ARHGAP24: variants seen among roughly 807,000 people sequenced by gnomAD.
ARHGAP24 encodes the protein Rho GTPase activating protein 24, also known as rho GTPase-activating protein 24.
A neutral mutation model predicts 76.4 loss-of-function variants in ARHGAP24; 50 were observed. The observed-to-expected ratio is 0.65, with a 90% confidence interval of 0.52 to 0.83. The LOEUF is 0.83. Ranked by LOEUF, ARHGAP24 falls within the 40% of genes least tolerant of loss-of-function variation. The pLI is 0.00. For missense variants in ARHGAP24, 930 were observed against 914.2 expected (o/e 1.02, Z -0.22); for synonymous variants, 345 against 323.3 (o/e 1.07, Z -0.72).
At chr4:85,750,631 G>T (rs1378095529) in intron 3 of ARHGAP24, among the ~76,000 whole-genome samples, 2 of 151,540 alleles carry the variant, frequency 1.3e-5, no homozygotes, top group Non-Finnish European at 2.9e-5. Flanking sequence ...GAGTAGCTGG[G>T]ATTACAGGTA....
At chr4:85,780,158 C>A (rs141961968) in intron 3 of ARHGAP24, among the ~76,000 whole-genome samples, 6 of 40,716 alleles carry the variant, frequency 1.5e-4, no homozygotes, top group Non-Finnish European at 2.7e-4. Context: ...CACATAATCA[C>A]TGTTTATTTT....
At chr4:85,947,243 G>A (rs115618154) in intron 5 of ARHGAP24, among the ~76,000 whole-genome samples, 6,742 of 152,192 alleles carry the variant, frequency 0.044, 523 homozygotes, top group African/African-American at 0.15. Flanking sequence ...ACCTTTGTCA[G>A]ATGCACAGTT....
intron 3 of ARHGAP24, among the ~76,000 whole-genome samples, chr4:85,733,340 G>A (rs1042509214): frequency 6.6e-6 from 1 of 151,914 alleles, no homozygotes; most frequent in African/African-American, 2.4e-5. Context: ...TGGGATTACA[G>A]GCGTGAGCCA....
rs572982199 is a variant in ARHGAP24, at chr4:85,896,434, A to G, written c.269-27214A>G. 4.6e-5 allele frequency among the ~76,000 whole-genome samples: 7 copies of G among 152,288 alleles called. No homozygotes were observed. The East Asian group carries it at 1.4e-3, about 29-fold the overall frequency. On this transcript the variant is annotated intron_variant, in intron 3 of 9. Transcript: ENST00000395184. ...TGTTTTAAACCTTTTCTGCAATCCC[A>G]TGCTGGGAATCCTAGCCTCCTTAAG...
At chr4:85,706,887 A>G (rs1390766948) in intron 2 of ARHGAP24, among the ~76,000 whole-genome samples, 1 of 151,940 alleles carries the variant, frequency 6.6e-6, no homozygotes, top group Non-Finnish European at 1.5e-5. Context: ...TTTGAGATAT[A>G]TTAAATGAAC....
chr4:85,863,141 C>A (rs755763763), intron 3 of ARHGAP24, among the ~76,000 whole-genome samples: 2 of 152,108 alleles, frequency 1.3e-5, no homozygotes, highest in Non-Finnish European at 2.9e-5. Context: ...CATTGGCCTT[C>A]TGGTGATTCC....
At chr4:85,542,764 A>G (rs1227733133) in intron 1 of ARHGAP24, among the ~76,000 whole-genome samples, 3 of 152,224 alleles carry the variant, frequency 2.0e-5, no homozygotes, top group Non-Finnish European at 2.9e-5. Flanking sequence ...TGAGAGACAT[A>G]TTGATAGTGG....
At chr4:85,647,567 A>T (rs1217726471) in intron 2 of ARHGAP24, among the ~76,000 whole-genome samples, 1 of 152,150 alleles carries the variant, frequency 6.6e-6, no homozygotes, top group Non-Finnish European at 1.5e-5. Context: ...TTATTTTCAC[A>T]TATAAAATCA....
Position 85,816,587 on chromosome 4 carries a change from T to A in ARHGAP24, c.268+94615T>A, listed in dbSNP as rs150835496. Among the ~76,000 whole-genome samples the A allele has an allele frequency of 9.5e-3, 1,445 of 152,326 alleles. 27 individuals are homozygous for A. The highest frequency in any genetic ancestry group is 0.033 in the African/African-American group (1,353 of 41,566). ...TAGTTTCTATTCCTTTTGGATCTTT[T>A]TCTTTCAAAATTAAAGCAAATAACT... On this transcript the variant is annotated intron_variant, in intron 3 of 9. Transcript: ENST00000395184.
intron 2 of ARHGAP24, among the ~76,000 whole-genome samples, chr4:85,647,045 A>G (rs749900660): frequency 4.6e-5 from 7 of 152,120 alleles, no homozygotes; most frequent in Non-Finnish European, 1.0e-4. Context: ...TCTAGTTGGA[A>G]TTGAGGAATT....
At chr4:85,581,641 C>T (rs917215601) in intron 2 of ARHGAP24, among the ~76,000 whole-genome samples, 8 of 152,104 alleles carry the variant, frequency 5.3e-5, no homozygotes, top group African/African-American at 1.9e-4. Context: ...TCATAATCTT[C>T]TCCAGGGAAG....
intron 9 of ARHGAP24, among the ~76,000 whole-genome samples, chr4:85,999,237 A>T (rs1333226713): frequency 1.3e-5 from 2 of 152,324 alleles, no homozygotes; most frequent in East Asian, 1.9e-4. Flanking sequence ...AAACAAAGAG[A>T]ATATATTGTA....
chr4:85,916,509 AAAAT>A (rs1050148840), intron 3 of ARHGAP24, among the ~76,000 whole-genome samples: 1 of 152,154 alleles, frequency 6.6e-6, no homozygotes, highest in Non-Finnish European at 1.5e-5. Context: ...AATACTTAAA[AAAAT>A]AAATAAATAA....
chr4:85,873,384 T>A (rs1200376352), intron 3 of ARHGAP24, among the ~76,000 whole-genome samples: 6 of 152,210 alleles, frequency 3.9e-5, no homozygotes, highest in Non-Finnish European at 1.5e-5. Context: ...TCTCCCTATT[T>A]CCTTTCCAAG....
Position 85,526,795 on chromosome 4 carries a change from A to G in ARHGAP24, c.-20-43727A>G, listed in dbSNP as rs1725020628. 3.9e-5 allele frequency among the ~76,000 whole-genome samples: 6 copies of G among 152,180 alleles called. No homozygotes were observed. In the South Asian group the frequency reaches 1.2e-3, roughly 31 times the overall value. On this transcript the variant is annotated intron_variant, in intron 1 of 9. Transcript: ENST00000395184. Reference sequence around the variant, plus strand: ...AATTTATGAATCTCTTGTAGAGAATACAAACATAAGGAAAAAATTCTAACA... The same window carrying G: ...AATTTATGAATCTCTTGTAGAGAATGCAAACATAAGGAAAAAATTCTAACA...
At chr4:85,546,994 G>A (rs1391077757) in intron 1 of ARHGAP24, among the ~76,000 whole-genome samples, 1 of 152,138 alleles carries the variant, frequency 6.6e-6, no homozygotes, top group Non-Finnish European at 1.5e-5. Context: ...AAATTCTTGA[G>A]TGTGTATTTC....
In ARHGAP24 at chr4:85,857,007, A is replaced by T. The variant is rs573141605; in HGVS notation, c.269-66641A>T. On this transcript the variant is annotated intron_variant, in intron 3 of 9. Coordinates refer to ENST00000395184, the MANE Select transcript of ARHGAP24 (RefSeq NM_001025616.3). ...ATCAAAATGTATTTATTATTTCCTCATTGATGGATACATAGATTGTTTCCA... is the reference window on the plus strand; with the variant it reads ...ATCAAAATGTATTTATTATTTCCTCTTTGATGGATACATAGATTGTTTCCA... Among the ~76,000 whole-genome samples, 7 of 152,250 alleles carry T rather than the reference A, an allele frequency of 4.6e-5. No homozygotes were observed. In the South Asian group the frequency reaches 1.5e-3, roughly 32 times the overall value.
chr4:85,631,810 T>C (rs1721167970), intron 2 of ARHGAP24, among the ~76,000 whole-genome samples: 1 of 152,120 alleles, frequency 6.6e-6, no homozygotes, highest in Non-Finnish European at 1.5e-5. Context: ...TTTGTCACCA[T>C]GTTTTCTACT....
At chr4:85,888,851 C>A (rs1253420665) in intron 3 of ARHGAP24, among the ~76,000 whole-genome samples, 1 of 152,132 alleles carries the variant, frequency 6.6e-6, no homozygotes, top group Admixed American at 6.6e-5. Context: ...ATTTAGCTCC[C>A]ACTTATAAAT....
Sources: allele counts gnomAD v4.1 joint callset (sites outside exome capture counted in the v4.1 genomes callset), GRCh38; gene constraint gnomAD v4.1.1; transcripts MANE v1.5; gene names NCBI Gene and HGNC (gene_info 2026-07-23, HGNC 2026-07-21).